ARHGAP10: variants seen among roughly 807,000 people sequenced by gnomAD.
The protein encoded by ARHGAP10 is Rho GTPase activating protein 10.
A neutral mutation model predicts 108.6 loss-of-function variants in ARHGAP10; 87 were observed. The ratio of observed to expected loss-of-function variants is 0.80; its 90% CI spans 0.67 to 0.96. ARHGAP10 has a LOEUF of 0.96. Among genes scored for constraint, ARHGAP10 ranks in the 40% least tolerant of loss-of-function variants. ARHGAP10 has a pLI of 0.00. For synonymous variants in ARHGAP10, 347 were observed against 341.1 expected (o/e 1.02, Z -0.19); for missense variants, 939 against 954.5 (o/e 0.98, Z 0.21).
intron 18 of ARHGAP10, among the ~76,000 whole-genome samples, chr4:148,019,119 T>C (rs923826286): frequency 6.6e-6 from 1 of 152,226 alleles, no homozygotes; most frequent in African/African-American, 2.4e-5. Context: ...GGTGCTCCAC[T>C]TGTTACTTTT....
intron 12 of ARHGAP10, among the ~76,000 whole-genome samples, chr4:147,910,660 A>G (rs1474540839): frequency 6.6e-6 from 1 of 152,164 alleles, no homozygotes; most frequent in East Asian, 1.9e-4. Flanking sequence ...AAACATGCCC[A>G]GCTCTGTACC....
intron 18 of ARHGAP10, among the ~76,000 whole-genome samples, chr4:147,978,284 C>T (rs1442058679): frequency 1.3e-5 from 2 of 152,146 alleles, no homozygotes; most frequent in African/African-American, 4.8e-5. Flanking sequence ...TTTGCATTCC[C>T]ACCAACAGTG....
intron 20 of ARHGAP10, among the ~76,000 whole-genome samples, chr4:148,056,483 G>C (rs1473824427): frequency 2.0e-5 from 3 of 152,118 alleles, no homozygotes; most frequent in Non-Finnish European, 4.4e-5. Context: ...AATAGTTTAA[G>C]GTATGCAGAA....
rs1560756927 is a variant in ARHGAP10 at position 147,784,815 on chromosome 4, T to TATATATTATAAATATATTAC, written c.155-37911_155-37910insTATATTATAAATATATTACA. Reference sequence around the variant, plus strand: ...TATATATTATAAATATAATATATTATAAAATATATATTATAAATATATTAT... The same window carrying TATATATTATAAATATATTAC: ...TATATATTATAAATATAATATATTATATATATTATAAATATATTACAAAATATATATTATAAATATATTAT... On this transcript the variant is annotated intron_variant, in intron 1 of 22. Transcript: ENST00000336498. Among the ~76,000 whole-genome samples, 6 of 17,614 alleles carry TATATATTATAAATATATTAC rather than the reference T, an allele frequency of 3.4e-4. 1 individual carries two copies. Among genetic ancestry groups the TATATATTATAAATATATTAC allele is most frequent in the African/African-American group, 6.3e-4 (6 of 9,528 alleles). The allele number at this position is 17,614 out of a possible 152,430, so 11.6% of individuals were successfully genotyped here. A position where few individuals can be genotyped will look rare whatever the true frequency, so the allele number is the denominator to read the frequency against.
At chr4:147,791,521 C>T (rs1011741791) in intron 1 of ARHGAP10, among the ~76,000 whole-genome samples, 8 of 151,724 alleles carry the variant, frequency 5.3e-5, no homozygotes, top group Admixed American at 1.3e-4. Flanking sequence ...ATGGTTATTC[C>T]GTGTGTGTGT....
At chr4:147,952,683 A>G (rs1406985637) in intron 15 of ARHGAP10, among the ~76,000 whole-genome samples, 1 of 152,100 alleles carries the variant, frequency 6.6e-6, no homozygotes, top group Non-Finnish European at 1.5e-5. Flanking sequence ...CTGCTTTACA[A>G]GTATTTTCTT....
At chr4:148,041,073 T>A (rs968983533) in intron 19 of ARHGAP10, among the ~76,000 whole-genome samples, 1 of 152,250 alleles carries the variant, frequency 6.6e-6, no homozygotes, top group African/African-American at 2.4e-5. Flanking sequence ...GCCAAATGCA[T>A]GACTGTGAGG....
intron 16 of ARHGAP10, among the ~76,000 whole-genome samples, chr4:147,956,171 G>A (rs1738778118): frequency 6.6e-6 from 1 of 152,074 alleles, no homozygotes; most frequent in African/African-American, 2.4e-5. Flanking sequence ...CTGCAGTATT[G>A]GTTTTCACAG....
intron 18 of ARHGAP10, among the ~76,000 whole-genome samples, chr4:147,981,980 A>C (rs1219361900): frequency 3.3e-5 from 5 of 152,186 alleles, no homozygotes; most frequent in Non-Finnish European, 7.4e-5. Flanking sequence ...GTCTCTTGCA[A>C]ACAGCAGAAG....
At chr4:147,996,454 G>A (rs1447798644) in intron 18 of ARHGAP10, among the ~76,000 whole-genome samples, 2 of 152,146 alleles carry the variant, frequency 1.3e-5, no homozygotes, top group Non-Finnish European at 2.9e-5. Context: ...TGTGCCTTGA[G>A]AATGCTAGGA....
At chr4:147,940,014 C>G in intron 14 of ARHGAP10, 115 bp downstream of exon 14, 1 of 1,024,024 alleles carries the variant, frequency 9.8e-7, no homozygotes. Context: ...CCTCTACTTT[C>G]TACAGGAGTT....
chr4:147,837,643 G>GTTTTTTTTTTTT lies in ARHGAP10; in HGVS notation c.313-9500_313-9489dup, dbSNP rs59933316. ...CACCTCGCTAGAATCTCTGGTCACT[G>GTTTTTTTTTTTT]TTTTTTTTTTTTTTTTTTTAAAGCA... On this transcript the variant is annotated intron_variant, in intron 3 of 22. Transcript: ENST00000336498. Among the ~76,000 whole-genome samples the GTTTTTTTTTTTT allele has an allele frequency of 1.3e-3, 91 of 70,222 alleles. 4 individuals are homozygous for GTTTTTTTTTTTT. The highest frequency in any genetic ancestry group is 0.016 in the Middle Eastern group (1 of 62). The allele number at this position is 70,222 out of a possible 152,430, so 46.1% of individuals were successfully genotyped here.
At chr4:147,961,306 G>A (rs1738983946) in intron 16 of ARHGAP10, among the ~76,000 whole-genome samples, 1 of 152,058 alleles carries the variant, frequency 6.6e-6, no homozygotes, top group Non-Finnish European at 1.5e-5. Flanking sequence ...GGTTTATTCT[G>A]TTTTCATAGG....
intron 1 of ARHGAP10, among the ~76,000 whole-genome samples, chr4:147,789,184 C>T (rs1358245024): frequency 5.9e-5 from 9 of 152,198 alleles, no homozygotes; most frequent in African/African-American, 2.2e-4. Flanking sequence ...GAAGTCAATT[C>T]AACTGTAAGC....
At chr4:147,779,142 C>T (rs1001274486) in intron 1 of ARHGAP10, among the ~76,000 whole-genome samples, 7 of 152,164 alleles carry the variant, frequency 4.6e-5, no homozygotes, top group African/African-American at 9.7e-5. Context: ...GCATTTCTAG[C>T]AGGTTCCCAG....
chr4:147,739,011 C>T (rs1342378327), intron 1 of ARHGAP10, among the ~76,000 whole-genome samples: 1 of 150,404 alleles, frequency 6.6e-6, no homozygotes, highest in Non-Finnish European at 1.5e-5. Flanking sequence ...GGTGAAACCC[C>T]ATCTCTACTA....
intron 19 of ARHGAP10, among the ~76,000 whole-genome samples, chr4:148,033,640 G>C (rs546797208): frequency 1.6e-4 from 24 of 152,196 alleles, no homozygotes; most frequent in Admixed American, 5.9e-4. Flanking sequence ...TATGTGTTTA[G>C]TTTACAAATG....
At chr4:147,732,909 T>G (rs1728279497) in intron 1 of ARHGAP10, among the ~76,000 whole-genome samples, 1 of 152,230 alleles carries the variant, frequency 6.6e-6, no homozygotes, top group Non-Finnish European at 1.5e-5. Context: ...TTTGAAACCC[T>G]GCGGGAGTGT....
At position 147,864,943 on chromosome 4, in the gene ARHGAP10, A is replaced by G. The variant is rs2126844676; in HGVS notation, c.584A>G (p.Glu195Gly). ...LQEIQERKKF[E>G]FVEPMLSFFQ... ...GAAATCCAAGAAAGAAAGAAGTTTG[A>G]GTTTGTGGAACCTGTGAGTATTGCC... The change falls in exon 6 of 23, where the codon GAG (glutamate) becomes GGG (glycine). Residue 195 changes from glutamate (E) to glycine (G), a missense_variant. Physicochemically the swap from Glu to Gly is moderately conservative, Grantham distance 98. Transcript: ENST00000336498. 6.2e-7 allele frequency: 1 copy of G among 1,613,662 alleles called. No individual in the cohort carries two copies. The highest frequency in any genetic ancestry group is 8.5e-7 in the Non-Finnish European group (1 of 1,179,702).
Sources: allele counts gnomAD v4.1 joint callset (sites outside exome capture counted in the v4.1 genomes callset), GRCh38; gene constraint gnomAD v4.1.1; transcripts MANE v1.5; gene names NCBI Gene and HGNC (gene_info 2026-07-23, HGNC 2026-07-21).